Variants in HPSE2 observed in about 807,000 individuals in gnomAD.
The protein encoded by HPSE2 is heparanase 2 (inactive).
A neutral mutation model predicts 60.5 loss-of-function variants in HPSE2; 38 were observed. The observed-to-expected ratio is 0.63, with a 90% CI of 0.48 to 0.82. HPSE2 has a LOEUF of 0.82. Among genes scored for constraint, HPSE2 ranks in the 40% least tolerant of loss-of-function variants. The pLI is 0.00. For synonymous variants in HPSE2, 295 were observed against 293.2 expected, an observed-to-expected ratio of 1.01 and a Z score of -0.06; for missense variants, 713 against 740.4, an observed-to-expected ratio of 0.96 and a Z score of 0.43.
intron 3 of HPSE2, among the ~76,000 whole-genome samples, chr10:98,953,824 C>T (rs560691671): frequency 6.6e-5 from 10 of 152,264 alleles, no homozygotes; most frequent in African/African-American, 2.4e-4. Flanking sequence ...ACATTGAATA[C>T]TCTATTCAAC....
At chr10:98,586,150 A>T (rs77981099) in intron 9 of HPSE2, among the ~76,000 whole-genome samples, 1 of 152,182 alleles carries the variant, frequency 6.6e-6, no homozygotes, top group South Asian at 2.1e-4. Flanking sequence ...AATTGTAAAA[A>T]GTAAAGGATT....
chr10:99,244,242 C>T, the HPSE2 span, among the ~76,000 whole-genome samples: 16 of 151,888 alleles, frequency 1.1e-4, no homozygotes, highest in Non-Finnish European at 2.4e-4. Flanking sequence ...TGGTCTCAAT[C>T]TCCTGACCTC....
chr10:99,079,080 T>A (rs1389001908), intron 3 of HPSE2, among the ~76,000 whole-genome samples: 2 of 152,202 alleles, frequency 1.3e-5, no homozygotes, highest in East Asian at 3.9e-4. Flanking sequence ...ATTTGTTCCG[T>A]ATTGAGTCAT....
At chr10:99,277,725 A>G in the HPSE2 span, among the ~76,000 whole-genome samples, 1 of 152,236 alleles carries the variant, frequency 6.6e-6, no homozygotes, top group African/African-American at 2.4e-5. Flanking sequence ...ACAGTAAAAT[A>G]TAAACCCACA....
chr10:99,190,029 G>A (rs1848165954), intron 2 of HPSE2, among the ~76,000 whole-genome samples: 1 of 152,132 alleles, frequency 6.6e-6, no homozygotes, highest in Non-Finnish European at 1.5e-5. Flanking sequence ...CTCTCTATGG[G>A]CTTTTTCTAA....
At chr10:98,816,939 C>T (rs909641690) in intron 3 of HPSE2, among the ~76,000 whole-genome samples, 2 of 151,842 alleles carry the variant, frequency 1.3e-5, no homozygotes, top group Non-Finnish European at 2.9e-5. Context: ...GTAATCTTAC[C>T]TTCTAGTGGA....
At chr10:98,802,710 C>T (rs1220381467) in intron 3 of HPSE2, among the ~76,000 whole-genome samples, 4 of 150,226 alleles carry the variant, frequency 2.7e-5, no homozygotes, top group Middle Eastern at 6.8e-3. Context: ...TTTCTTAATC[C>T]AGTCTATCAT....
intron 10 of HPSE2, among the ~76,000 whole-genome samples, chr10:98,487,133 C>G (rs975157509): frequency 6.6e-6 from 1 of 152,186 alleles, no homozygotes; most frequent in Non-Finnish European, 1.5e-5. Context: ...TACGTTGTTT[C>G]AGCAGAATGG....
In HPSE2 at chr10:98,940,778, C is replaced by A. The variant is rs1444083118; in HGVS notation, c.611-196722G>T. 1.4e-5 allele frequency among the ~76,000 whole-genome samples: 2 copies of A among 141,678 alleles called. 1 individual carries two copies. The highest frequency in any genetic ancestry group is 3.0e-5 in the Non-Finnish European group (2 of 66,818). The allele number at this position is 141,678 out of a possible 152,430, so 92.9% of individuals were successfully genotyped here. A position where few individuals can be genotyped will look rare whatever the true frequency, so the allele number is the denominator to read the frequency against. ...TACCAAAGCTGGGCAGAGACACAAC[C>A]AAAAAAGAGAATTTTAAACCAATAT... On this transcript the variant is annotated intron_variant, in intron 3 of 11. Coordinates refer to ENST00000370552, the MANE Select transcript of HPSE2 (RefSeq NM_021828.5).
At chr10:99,291,479 G>A in the HPSE2 span, among the ~76,000 whole-genome samples, 3 of 151,968 alleles carry the variant, frequency 2.0e-5, no homozygotes, top group East Asian at 5.8e-4. Context: ...ATCTACTTGG[G>A]AGACTGAGGC....
chr10:99,272,428 A>G, the HPSE2 span, among the ~76,000 whole-genome samples: 9 of 152,198 alleles, frequency 5.9e-5, no homozygotes, highest in African/African-American at 2.2e-4. Context: ...AGATAAATAC[A>G]TGGGAATTAA....
At chr10:98,945,742 T>G in intron 3 of HPSE2, among the ~76,000 whole-genome samples, 1 of 152,162 alleles carries the variant, frequency 6.6e-6, no homozygotes, top group East Asian at 1.9e-4. Flanking sequence ...TTTCTTTAAT[T>G]TTCTATCTAC....
intron 6 of HPSE2, among the ~76,000 whole-genome samples, chr10:98,691,173 TCTTCCATGACTTTTCCAA>T (rs1948068676): frequency 2.0e-5 from 3 of 152,212 alleles, no homozygotes. Flanking sequence ...TGCCTGGGAT[TCTTCCATGACTTTTCCAA>T]GTCTTCACTG....
intron 6 of HPSE2, among the ~76,000 whole-genome samples, chr10:98,684,679 T>C (rs1185639649): frequency 6.6e-6 from 1 of 152,100 alleles, no homozygotes; most frequent in Non-Finnish European, 1.5e-5. Flanking sequence ...AGACTGTTAC[T>C]TAGAAACATG....
intron 7 of HPSE2, among the ~76,000 whole-genome samples, chr10:98,622,996 A>C (rs1946114312): frequency 6.6e-6 from 1 of 152,202 alleles, no homozygotes; most frequent in Non-Finnish European, 1.5e-5. Context: ...TGTACATGAT[A>C]AACTATGCAC....
intron 11 of HPSE2, among the ~76,000 whole-genome samples, chr10:98,475,916 G>A (rs1044028745): frequency 1.1e-4 from 17 of 152,026 alleles, no homozygotes; most frequent in Admixed American, 1.0e-3. Flanking sequence ...TCAGTGTGGC[G>A]ATTCCTCAGG....
the HPSE2 span, among the ~76,000 whole-genome samples, chr10:99,249,164 G>A: frequency 7.2e-5 from 11 of 152,298 alleles, no homozygotes; most frequent in African/African-American, 2.6e-4. Context: ...CTGTTCTTCA[G>A]ACCCCAGAAT....
In HPSE2 at chr10:98,512,516, C is replaced by T. The variant is rs547750196; in HGVS notation, c.1321-22320G>A. On this transcript the variant is annotated intron_variant, in intron 9 of 11. Transcript: ENST00000370552. Reference sequence around the variant, plus strand: ...GGGAGAATGGCATGAACCCGGGAGGCGGAGGTTGCAGTGAGCCAAGATCGC... The same window carrying T: ...GGGAGAATGGCATGAACCCGGGAGGTGGAGGTTGCAGTGAGCCAAGATCGC... 2.3e-3 allele frequency among the ~76,000 whole-genome samples: 346 copies of T among 150,788 alleles called. 1 individual carries two copies. Among genetic ancestry groups the T allele is most frequent in the Non-Finnish European group, 4.2e-3 (288 of 67,850 alleles).
chr10:99,205,757 A>G (rs1012837622), intron 2 of HPSE2, among the ~76,000 whole-genome samples: 8 of 152,264 alleles, frequency 5.3e-5, no homozygotes, highest in African/African-American at 1.7e-4. Flanking sequence ...ACTGTTGTAC[A>G]TACCATACTA....
Sources: gnomAD v4.1 joint callset for allele counts (sites outside exome capture counted in the v4.1 genomes callset) on GRCh38, gnomAD v4.1.1 for gene constraint, MANE v1.5 for transcripts, NCBI Gene and HGNC (gene_info 2026-07-23, HGNC 2026-07-21) for gene names.